PHLPP1: variants seen among roughly 807,000 people sequenced by gnomAD.
PHLPP1 encodes PH domain and leucine rich repeat protein phosphatase 1, also known as PH domain leucine-rich repeat-containing protein phosphatase 1.
PHLPP1 carries 42 observed loss-of-function variants against 117.2 expected under a neutral mutation model. That is an observed-to-expected ratio of 0.36 (90% CI 0.28 to 0.46). The LOEUF is 0.46. Among genes scored for constraint, PHLPP1 ranks in the 20% least tolerant of loss-of-function variants. The pLI, the probability that PHLPP1 is intolerant of heterozygous loss-of-function variation, is 1.00. For missense variants in PHLPP1, 2,084 were observed against 2,241.9 expected (o/e 0.93, Z 1.42); for synonymous variants, 1,042 against 970.7 (o/e 1.07, Z -1.37).
chr18:62,755,982 TC>T lies in PHLPP1; in HGVS notation c.1576+38733del, dbSNP rs35142218. Among the ~76,000 whole-genome samples, 755 of 142,984 alleles carry T rather than the reference TC, an allele frequency of 5.3e-3. 8 individuals are homozygous for T. The highest frequency in any genetic ancestry group is 0.035 in the East Asian group (174 of 5,002). 93.8% of individuals were successfully genotyped at this position (142,984 alleles called of 152,430 possible). Reference sequence around the variant, plus strand: ...ACATGATTTGTGAGAATATTTTTGTTCCCCCCCCCCTTCAATTTGTGCCAAG... The same window carrying T: ...ACATGATTTGTGAGAATATTTTTGTTCCCCCCCCCTTCAATTTGTGCCAAG... On this transcript the variant is annotated intron_variant, in intron 1 of 16. Coordinates refer to ENST00000262719, the MANE Select transcript of PHLPP1 (RefSeq NM_194449.4).
chr18:62,871,318 ATTTTTG>A (rs995091948), intron 4 of PHLPP1, among the ~76,000 whole-genome samples: 2 of 151,772 alleles, frequency 1.3e-5, no homozygotes, highest in Non-Finnish European at 2.9e-5. Context: ...AGCTCTGTTT[ATTTTTG>A]TTTTTGTTTT....
intron 10 of PHLPP1, among the ~76,000 whole-genome samples, chr18:62,929,850 G>A (rs779367681): frequency 4.6e-5 from 7 of 152,184 alleles, no homozygotes; most frequent in Non-Finnish European, 8.8e-5. Context: ...TTGAGAGGCT[G>A]AGGCAGGAGC....
At chr18:62,879,254 T>C (rs1449118183) in intron 4 of PHLPP1, among the ~76,000 whole-genome samples, 4 of 152,234 alleles carry the variant, frequency 2.6e-5, no homozygotes, top group African/African-American at 9.7e-5. Flanking sequence ...GCTGTGAGTT[T>C]GCTCTCTTGC....
chr18:62,731,176 G>C (rs1300386763), intron 1 of PHLPP1: 1 of 151,906 alleles, frequency 6.6e-6, no homozygotes, highest in East Asian at 1.9e-4. Context: ...GTCATATTTT[G>C]GTGAGTCTTG....
Position 62,860,508 on chromosome 18 carries a change from A to G in PHLPP1, c.1973A>G (p.Tyr658Cys), listed in dbSNP as rs764931071. 1 of 1,613,858 alleles carries G rather than the reference A, an allele frequency of 6.2e-7. No homozygotes were observed. Among genetic ancestry groups the G allele is most frequent in the Non-Finnish European group, 8.5e-7 (1 of 1,179,804 alleles). ...SLEHLPANLF[Y>C]SQDLTHLNLK... ...GAACATCTGCCTGCCAACCTCTTCT[A>G]CAGCCAAGACCTCACTCATCTCAAT... is the stretch of plus-strand genomic sequence containing the variant. Residue 658 changes from tyrosine to cysteine, a missense_variant, in exon 4 of 17, where the codon TAC (tyrosine) becomes TGC (cysteine). Transcript: ENST00000262719.
chr18:62,755,545 A>C (rs1374039800), intron 1 of PHLPP1, among the ~76,000 whole-genome samples: 1 of 152,128 alleles, frequency 6.6e-6, no homozygotes, highest in Non-Finnish European at 1.5e-5. Flanking sequence ...TGCCCTTATA[A>C]AAGACGCCTG....
chr18:62,969,528 T>A (rs1319999205), intron 14 of PHLPP1, among the ~76,000 whole-genome samples: 1 of 152,200 alleles, frequency 6.6e-6, no homozygotes, highest in South Asian at 2.1e-4. Context: ...TTGGTTGATA[T>A]TGTTGCTCAA....
intron 4 of PHLPP1, among the ~76,000 whole-genome samples, chr18:62,869,506 C>T (rs1390213031): frequency 6.6e-6 from 1 of 152,134 alleles, no homozygotes; most frequent in South Asian, 2.1e-4. Flanking sequence ...CTCTTTATTA[C>T]CCTAAACATC....
intron 3 of PHLPP1, chr18:62,839,677 A>G (rs1599075779): frequency 1.3e-5 from 2 of 150,282 alleles, no homozygotes; most frequent in African/African-American, 2.4e-5. Context: ...AGATTGCACC[A>G]TTACACTACA....
At chr18:62,804,078 G>A (rs991575221) in intron 1 of PHLPP1, among the ~76,000 whole-genome samples, 1 of 152,254 alleles carries the variant, frequency 6.6e-6, no homozygotes, top group East Asian at 1.9e-4. Context: ...CCAAATGGCT[G>A]GAAGGACCTC....
At chr18:62,863,017 A>G (rs1177724743) in intron 4 of PHLPP1, among the ~76,000 whole-genome samples, 1 of 151,390 alleles carries the variant, frequency 6.6e-6, no homozygotes, top group Non-Finnish European at 1.5e-5. Context: ...CCTGTAGCTG[A>G]CGTGTACTAT....
At chr18:62,749,548 C>A (rs114994402) in intron 1 of PHLPP1, among the ~76,000 whole-genome samples, 1 of 152,248 alleles carries the variant, frequency 6.6e-6, no homozygotes, top group East Asian at 1.9e-4. Context: ...AACAGAAATT[C>A]GTTTTCTCCA....
At chr18:62,960,440 A>G (rs1378381507) in intron 13 of PHLPP1, among the ~76,000 whole-genome samples, 1 of 152,178 alleles carries the variant, frequency 6.6e-6, no homozygotes, top group African/African-American at 2.4e-5. Flanking sequence ...TTAAATGTCT[A>G]TTTCCTATTT....
chr18:62,892,082 C>CTTTTTTTTTTTTTT (rs200141250), intron 4 of PHLPP1, among the ~76,000 whole-genome samples: 1 of 107,968 alleles, frequency 9.3e-6, no homozygotes, highest in East Asian at 2.7e-4. Flanking sequence ...TTCTTTCTTT[C>CTTTTTTTTTTTTTT]TTTTTTTTTT....
intron 6 of PHLPP1, 103 bp from the exon 7 acceptor site, chr18:62,902,861 A>G: frequency 1.4e-6 from 1 of 701,610 alleles, no homozygotes; most frequent in South Asian, 1.8e-5. Flanking sequence ...GAACTATAAT[A>G]CAGAGAGAAC....
chr18:62,747,850 T>C (rs1479898283), intron 1 of PHLPP1, among the ~76,000 whole-genome samples: 2 of 152,184 alleles, frequency 1.3e-5, no homozygotes, highest in Non-Finnish European at 2.9e-5. Context: ...ATGAATTGTT[T>C]TAAAGGTCAT....
intron 4 of PHLPP1, among the ~76,000 whole-genome samples, chr18:62,870,300 G>A (rs1915870204): frequency 6.6e-6 from 1 of 152,046 alleles, no homozygotes; most frequent in Admixed American, 6.5e-5. Context: ...AAGTTGATAA[G>A]TACACACATG....
chr18:62,971,117 C>T (rs532973974), intron 14 of PHLPP1, among the ~76,000 whole-genome samples: 4 of 152,192 alleles, frequency 2.6e-5, no homozygotes, highest in Non-Finnish European at 5.9e-5. Context: ...CTGGTTTCCC[C>T]TGCTCTACCT....
At chr18:62,825,182 C>T (rs1165043895) in intron 1 of PHLPP1, among the ~76,000 whole-genome samples, 6 of 151,920 alleles carry the variant, frequency 3.9e-5, no homozygotes, top group Admixed American at 3.9e-4. Flanking sequence ...TGGTCTCGAG[C>T]TCCTGACCTC....
Sources: allele counts gnomAD v4.1 joint callset (sites outside exome capture counted in the v4.1 genomes callset), GRCh38; gene constraint gnomAD v4.1.1; transcripts MANE v1.5; gene names NCBI Gene and HGNC (gene_info 2026-07-23, HGNC 2026-07-21).